The following KIAA1217 variants were observed in gnomAD, a reference collection of about 807,000 sequenced individuals.
KIAA1217 encodes the protein KIAA1217, also known as sickle tail protein homolog.
A neutral mutation model predicts 163.9 loss-of-function variants in KIAA1217; 88 were observed. The observed-to-expected ratio is 0.54, with a 90% CI of 0.45 to 0.64. KIAA1217 has a LOEUF of 0.64. KIAA1217 is among the 30% of genes least tolerant of loss of function. KIAA1217 has a pLI of 0.00. For missense variants in KIAA1217, 2,372 were observed against 2,475.0 expected (o/e 0.96, Z 0.88); for synonymous variants, 903 against 923.1 (o/e 0.98, Z 0.39).
chr10:24,241,924 C>T (rs926476700), intron 2 of KIAA1217, among the ~76,000 whole-genome samples: 89 of 152,096 alleles, frequency 5.9e-4, no homozygotes, highest in Middle Eastern at 6.8e-3. Flanking sequence ...GTAGGCTCAT[C>T]GAGGGGGATT....
At chr10:23,972,536 C>G (rs1364092271) in intron 1 of KIAA1217, among the ~76,000 whole-genome samples, 2 of 151,712 alleles carry the variant, frequency 1.3e-5, no homozygotes, top group East Asian at 3.9e-4. Flanking sequence ...ACTATGTATT[C>G]TCACTCACTA....
rs1238800485 is a variant in KIAA1217, at chr10:23,790,330, T to TATATACATATGCATATGCAC, written c.-321+95100_-321+95101insACATATGCATATGCACATAT. Among the ~76,000 whole-genome samples, 169 of 19,396 alleles carry TATATACATATGCATATGCAC rather than the reference T, an allele frequency of 8.7e-3. 54 individuals carry two copies. Among genetic ancestry groups the TATATACATATGCATATGCAC allele is most frequent in the South Asian group, 0.022 (9 of 400 alleles). The allele number at this position is 19,396 out of a possible 152,430, so 12.7% of individuals were successfully genotyped here. The stretch of plus-strand genomic sequence containing the variant: ...GCATATATACATATGCACATATGCA[T>TATATACATATGCATATGCAC]ATATGCATATATACATATGCATATA... On this transcript the variant is annotated intron_variant, in intron 1 of 18. Coordinates refer to the KIAA1217 transcript ENST00000376462.
rs573925740 is a variant in KIAA1217 at position 23,818,998 on chromosome 10, C to T, written c.-321+123764C>T. Among the ~76,000 whole-genome samples, 9 of 152,140 alleles carry T rather than the reference C, an allele frequency of 5.9e-5. No homozygotes were observed. In the South Asian group the frequency reaches 1.9e-3, roughly 32 times the overall value. On this transcript the variant is annotated intron_variant, in intron 1 of 18. Transcript: ENST00000376462. ...TAAAATGATTGTCATTATGCTGGTT[C>T]ATATTACTTTATTCATAGAAATTAT... is the stretch of plus-strand genomic sequence containing the variant.
intron 1 of KIAA1217, among the ~76,000 whole-genome samples, chr10:24,000,634 C>T (rs1444014912): frequency 6.6e-6 from 1 of 152,220 alleles, no homozygotes; most frequent in African/African-American, 2.4e-5. Context: ...CTGTGCCATG[C>T]AGTATCCTGG....
At chr10:24,105,591 C>T (rs2062593668) in intron 2 of KIAA1217, among the ~76,000 whole-genome samples, 1 of 152,226 alleles carries the variant, frequency 6.6e-6, no homozygotes, top group South Asian at 2.1e-4. Flanking sequence ...GTCCACTGAT[C>T]TCCATGGCCT....
intron 2 of KIAA1217, among the ~76,000 whole-genome samples, chr10:24,298,844 A>G (rs2040945778): frequency 6.6e-6 from 1 of 152,096 alleles, no homozygotes; most frequent in Non-Finnish European, 1.5e-5. Flanking sequence ...GTAAGAGCAT[A>G]TCCCACAGGA....
intron 1 of KIAA1217, among the ~76,000 whole-genome samples, chr10:23,982,563 C>CTCTCTG (rs1410942814): frequency 1.1e-4 from 16 of 146,318 alleles, no homozygotes; most frequent in African/African-American, 3.9e-4. Flanking sequence ...CTCTCTCTCT[C>CTCTCTG]TCTCTCTCTC....
At chr10:24,073,027 C>T (rs2061241170) in intron 2 of KIAA1217, among the ~76,000 whole-genome samples, 1 of 150,962 alleles carries the variant, frequency 6.6e-6, no homozygotes, top group African/African-American at 2.4e-5. Flanking sequence ...CCACTGCACT[C>T]CAGCCTGGGA....
chr10:24,395,769 C>T (rs1214387516), intron 3 of KIAA1217, among the ~76,000 whole-genome samples: 4 of 152,134 alleles, frequency 2.6e-5, no homozygotes, highest in African/African-American at 9.7e-5. Context: ...CTCCTGGGCT[C>T]AAGCAAGCCT....
At chr10:24,220,936 T>A (rs1335487995) in intron 2 of KIAA1217, among the ~76,000 whole-genome samples, 1 of 151,978 alleles carries the variant, frequency 6.6e-6, no homozygotes, top group Non-Finnish European at 1.5e-5. Flanking sequence ...TTTTTTATTT[T>A]TGGTAGTAGA....
chr10:24,466,401 G>GT (rs2062949983), intron 5 of KIAA1217: 2 of 320,372 alleles, frequency 6.2e-6, no homozygotes, highest in African/African-American at 4.5e-5. Flanking sequence ...TGTTTTCCCT[G>GT]TAAGCAGTTG....
At chr10:24,149,767 CAA>C (rs2064515259) in intron 2 of KIAA1217, among the ~76,000 whole-genome samples, 1 of 151,898 alleles carries the variant, frequency 6.6e-6, no homozygotes, top group Non-Finnish European at 1.5e-5. Flanking sequence ...GTTCTCAACA[CAA>C]AAGAGATAAA....
At chr10:23,721,095 A>AT (rs946999809) in intron 1 of KIAA1217, among the ~76,000 whole-genome samples, 5 of 152,312 alleles carry the variant, frequency 3.3e-5, no homozygotes, top group South Asian at 2.1e-4. Flanking sequence ...TAAAAAATAC[A>AT]TTTTTAGAAT....
intron 1 of KIAA1217, among the ~76,000 whole-genome samples, chr10:23,773,431 G>A (rs1202693266): frequency 6.6e-6 from 1 of 151,654 alleles, no homozygotes; most frequent in African/African-American, 2.4e-5. Flanking sequence ...GCTTAGGATT[G>A]ACTTGGCGAT....
chr10:23,805,996 C>CAAAAAAAAAAAAAA (rs71397917), intron 1 of KIAA1217, among the ~76,000 whole-genome samples: 63 of 30,496 alleles, frequency 2.1e-3, no homozygotes, highest in African/African-American at 3.9e-3. Flanking sequence ...AACTCCATCT[C>CAAAAAAAAAAAAAA]AAAAAAAAAA....
chr10:24,412,731 T>C (rs2057904518), intron 3 of KIAA1217, among the ~76,000 whole-genome samples: 1 of 152,210 alleles, frequency 6.6e-6, no homozygotes, highest in Non-Finnish European at 1.5e-5. Flanking sequence ...TGCTTCTCTA[T>C]ATTCATGCCA....
intron 1 of KIAA1217, among the ~76,000 whole-genome samples, chr10:23,750,266 T>A (rs1248971531): frequency 6.6e-6 from 1 of 152,170 alleles, no homozygotes; most frequent in Non-Finnish European, 1.5e-5. Context: ...TTAATAAAAG[T>A]CTAAATGTTT....
chr10:23,908,841 A>G lies in KIAA1217; in HGVS notation c.-320-98384A>G, dbSNP rs1385176461. On this transcript the variant is annotated intron_variant, in intron 1 of 18. Transcript: ENST00000376462. ...CAGTGTGGAGATTCCTTAAAGAACT[A>G]AAAGTGGAGTAGAACTACCATTTGA... Among the ~76,000 whole-genome samples, 4 of 152,182 alleles carry G rather than the reference A, an allele frequency of 2.6e-5. No individual in the cohort carries two copies. The East Asian group carries it at 7.7e-4, about 29-fold the overall frequency.
At chr10:23,940,484 A>AG (rs750943903) in intron 1 of KIAA1217, among the ~76,000 whole-genome samples, 1 of 148,510 alleles carries the variant, frequency 6.7e-6, no homozygotes, top group Non-Finnish European at 1.5e-5. Flanking sequence ...AAAAAAAAAA[A>AG]GAAAAAAGAA....
Sources: gnomAD v4.1 joint callset for allele counts (sites outside exome capture counted in the v4.1 genomes callset) on GRCh38, gnomAD v4.1.1 for gene constraint, MANE v1.5 for transcripts, NCBI Gene and HGNC (gene_info 2026-07-23, HGNC 2026-07-21) for gene names.